Variants in PELI1 observed in about 807,000 individuals in gnomAD.
PELI1 encodes the protein E3 ubiquitin-protein ligase pellino homolog 1.
PELI1 carries 15 observed loss-of-function variants against 41.3 expected under a neutral mutation model. The ratio of observed to expected loss-of-function variants is 0.36; its 90% CI spans 0.24 to 0.56. PELI1 has a LOEUF of 0.56. Among genes scored for constraint, PELI1 ranks in the 20% least tolerant of loss-of-function variants. The probability of loss-of-function intolerance (pLI) is 0.82; values close to 1 mark genes in which losing one functional copy is unlikely to be tolerated. For missense variants in PELI1, 403 were observed against 525.5 expected, an observed-to-expected ratio of 0.77 and a Z score of 2.28; for synonymous variants, 178 against 180.1, an observed-to-expected ratio of 0.99 and a Z score of 0.09.
intron 3 of PELI1, among the ~76,000 whole-genome samples, chr2:64,102,629 T>C (rs1209088790): frequency 6.6e-6 from 1 of 152,222 alleles, no homozygotes; most frequent in Admixed American, 6.5e-5. Context: ...GGTTTTTATG[T>C]GCTTTGAAAT....
intron 1 of PELI1, among the ~76,000 whole-genome samples, chr2:64,119,269 A>C (rs1398101878): frequency 6.6e-6 from 1 of 152,280 alleles, no homozygotes; most frequent in African/African-American, 2.4e-5. Flanking sequence ...TGAAAAGTTA[A>C]ATAGAAAAGA....
chr2:64,122,324 T>C (rs1392045548), intron 1 of PELI1, among the ~76,000 whole-genome samples: 2 of 142,750 alleles, frequency 1.4e-5, no homozygotes, highest in African/African-American at 5.3e-5. Context: ...AATGATAAAC[T>C]TTCAGTACTC....
At chr2:64,118,239 T>C (rs1167964862) in intron 1 of PELI1, among the ~76,000 whole-genome samples, 1 of 152,220 alleles carries the variant, frequency 6.6e-6, no homozygotes, top group Non-Finnish European at 1.5e-5. Flanking sequence ...TTATCCACTC[T>C]TGATTATTGT....
intron 1 of PELI1, among the ~76,000 whole-genome samples, chr2:64,115,489 GGGTAGGAAA>G: frequency 6.6e-6 from 1 of 152,224 alleles, no homozygotes; most frequent in South Asian, 2.1e-4. Context: ...CCTGTGAATT[GGGTAGGAAA>G]GTCTGAACTC....
At chr2:64,141,025 T>C (rs1681896397) in intron 1 of PELI1, among the ~76,000 whole-genome samples, 1 of 152,092 alleles carries the variant, frequency 6.6e-6, no homozygotes, top group Admixed American at 6.5e-5. Context: ...ATGACTTCTA[T>C]TTACTTTGCC....
chr2:64,125,331 A>G (rs1003649212), intron 1 of PELI1, among the ~76,000 whole-genome samples: 2 of 152,162 alleles, frequency 1.3e-5, no homozygotes, highest in African/African-American at 4.8e-5. Context: ...TATGATCAGA[A>G]AGGGGGTTGT....
rs1680166251 is a variant in PELI1 at position 64,094,662 on chromosome 2, C to T, written c.*40G>A. The T allele has an allele frequency of 1.3e-6, 2 of 1,490,364 alleles. No individual in the cohort carries two copies. The highest frequency in any genetic ancestry group is 1.9e-6 in the Non-Finnish European group (2 of 1,077,840). The allele number at this position is 1,490,364 out of a possible 1,614,324, so 92.3% of individuals were successfully genotyped here. On this transcript the variant is annotated 3_prime_UTR_variant, in exon 7 of 7. Coordinates refer to ENST00000358912, the MANE Select transcript of PELI1 (RefSeq NM_020651.4). ...AGGTTCGAAAACCCAACTCACTTAG[C>T]TTATAAATTTATAATGTAGTCCTGC...
Position 64,100,450 on chromosome 2 carries a change from G to T in PELI1, c.251C>A (p.Ala84Asp). Reference protein sequence around the residue: ...QHSISYTLSRAQTVVVEYTHD... With the variant: ...QHSISYTLSRDQTVVVEYTHD... The stretch of plus-strand genomic sequence containing the variant: ...AGTATATTCAACCACCACAGTCTGG[G>T]CCCGAGATAAAGTATATGATATGCT... The change falls in exon 4 of 7, where the codon GCC (alanine) becomes GAC (aspartate). Residue 84 changes from alanine (A) to aspartate (D), a missense_variant. Transcript: ENST00000358912. 6.3e-7 allele frequency: 1 copy of T among 1,587,854 alleles called. No individual in the cohort carries two copies. Among genetic ancestry groups the T allele is most frequent in the Non-Finnish European group, 8.6e-7 (1 of 1,156,434 alleles).
chr2:64,096,074 C>T, intron 6 of PELI1, 51 bp downstream of exon 6: 1 of 1,256,458 alleles, frequency 8.0e-7, no homozygotes, highest in Non-Finnish European at 1.1e-6. Flanking sequence ...CAGTTCTACT[C>T]ATCCTATGTG....
rs551467295 is a variant in PELI1 at position 64,098,174 on chromosome 2, C to A, written c.304-1564G>T. Among the ~76,000 whole-genome samples, 148 of 152,198 alleles carry A rather than the reference C, an allele frequency of 9.7e-4. No homozygotes were observed. In the Middle Eastern group the frequency reaches 0.01, roughly 10 times the overall value. ...TTAAGTATCTATAAAGAGAAAAAAACCACCATGAATGTGATCAGATGCCAA... is the reference window on the plus strand; with the variant it reads ...TTAAGTATCTATAAAGAGAAAAAAAACACCATGAATGTGATCAGATGCCAA... On this transcript the variant is annotated intron_variant, in intron 4 of 6. Transcript: ENST00000358912.
chr2:64,104,701 C>CTT lies in PELI1; in HGVS notation c.199_200dup (p.Ala68ArgfsTer3). On this transcript the variant is annotated frameshift_variant and splice_region_variant, in exon 3 of 7. Transcript: ENST00000358912. LOFTEE classifies it high-confidence loss of function. ...TGTAGCTTTTTTTTTTTTTTTTTAC[C>CTT]TTTGCAGCCTGAGGAGTACAAGCAA... 1 of 1,430,518 alleles carries CTT rather than the reference C, an allele frequency of 7.0e-7. No individual in the cohort carries two copies. The highest frequency in any genetic ancestry group is 2.4e-5 in the Admixed American group (1 of 41,112). 88.6% of individuals were successfully genotyped at this position (1,430,518 alleles called of 1,614,324 possible).
intron 1 of PELI1, among the ~76,000 whole-genome samples, chr2:64,138,471 T>C (rs1305782996): frequency 6.6e-6 from 1 of 152,174 alleles, no homozygotes; most frequent in Non-Finnish European, 1.5e-5. Context: ...CTCCCACCTG[T>C]AATCCCAGCA....
At chr2:64,095,983 T>G in intron 6 of PELI1, 142 bp downstream of exon 6, 1 of 646,468 alleles carries the variant, frequency 1.5e-6, no homozygotes, top group South Asian at 2.0e-5. Context: ...TAGTATAGAA[T>G]TTGGTAGTCA....
chr2:64,107,154 C>T (rs1363691108), intron 2 of PELI1, among the ~76,000 whole-genome samples: 1 of 152,086 alleles, frequency 6.6e-6, no homozygotes, highest in Non-Finnish European at 1.5e-5. Context: ...GTCTCGAACT[C>T]CTGAGCTCAG....
At chr2:64,137,110 T>A (rs72893162) in intron 1 of PELI1, among the ~76,000 whole-genome samples, 3,460 of 152,270 alleles carry the variant, frequency 0.023, 112 homozygotes, top group African/African-American at 0.077. Flanking sequence ...TATATTGTCC[T>A]GAGAGTAGAT....
At chr2:64,124,038 A>T (rs1291377317) in intron 1 of PELI1, among the ~76,000 whole-genome samples, 2 of 152,226 alleles carry the variant, frequency 1.3e-5, no homozygotes, top group Non-Finnish European at 2.9e-5. Context: ...AGTCAGTCAC[A>T]AAGGATCACA....
At chr2:64,107,745 T>C (rs329481) in intron 2 of PELI1, among the ~76,000 whole-genome samples, 35,058 of 151,828 alleles carry the variant, frequency 0.23, 5,243 homozygotes, top group East Asian at 0.74. Flanking sequence ...TGGCGCGATC[T>C]CAGCTCACTG....
intron 4 of PELI1, among the ~76,000 whole-genome samples, chr2:64,099,269 TA>T (rs535216570): frequency 2.0e-3 from 310 of 152,126 alleles, no homozygotes; most frequent in African/African-American, 7.1e-3. Flanking sequence ...GGCCTCAAGC[TA>T]TCCTCCCACC....
intron 1 of PELI1, among the ~76,000 whole-genome samples, chr2:64,138,589 T>A (rs1176740879): frequency 6.6e-6 from 1 of 152,004 alleles, no homozygotes; most frequent in Non-Finnish European, 1.5e-5. Flanking sequence ...CTACTGGGCG[T>A]GGTGGCGTGT....
Sources: allele counts gnomAD v4.1 joint callset (sites outside exome capture counted in the v4.1 genomes callset), GRCh38; gene constraint gnomAD v4.1.1; transcripts MANE v1.5; gene names NCBI Gene and HGNC (gene_info 2026-07-23, HGNC 2026-07-21).